The following SAMD12 variants were observed in gnomAD, a reference collection of about 807,000 sequenced individuals.
The protein encoded by SAMD12 is sterile alpha motif domain containing 12, also known as sterile alpha motif domain-containing protein 12.
In SAMD12, 9 loss-of-function variants were observed where a neutral mutation model predicts 15.0. That is an observed-to-expected ratio of 0.60 (90% CI 0.36 to 1.05). The LOEUF is 1.05. SAMD12 is among the 50% of genes least tolerant of loss of function. The pLI is 0.01. For missense variants in SAMD12, 230 were observed against 234.2 expected (o/e 0.98, Z 0.12); for synonymous variants, 86 against 90.1 (o/e 0.96, Z 0.25).
At chr8:118,415,709 A>G (rs80040191) in intron 3 of SAMD12, among the ~76,000 whole-genome samples, 2,020 of 152,212 alleles carry the variant, frequency 0.013, 18 homozygotes, top group Non-Finnish European at 0.019. Flanking sequence ...GTCTTAAGTA[A>G]CCATTCTCCT....
In SAMD12 at chr8:118,548,686, G is replaced by A. The variant is rs1826215898; in HGVS notation, c.192+32029C>T. On this transcript the variant is annotated intron_variant, in intron 2 of 3. Transcript: ENST00000314727. ...GCCAGAGAGTGGGCGCAGGTCAGTG[G>A]GTGCAGCGCACCGTGCGCGAGCCGA... 2.0e-5 allele frequency among the ~76,000 whole-genome samples: 3 copies of A among 152,306 alleles called. No homozygotes were observed. In the South Asian group the frequency reaches 6.2e-4, roughly 32 times the overall value.
chr8:118,457,090 G>T (rs951415293), intron 2 of SAMD12, among the ~76,000 whole-genome samples: 22 of 152,208 alleles, frequency 1.4e-4, no homozygotes, highest in African/African-American at 4.8e-4. Context: ...AAAACATTCT[G>T]TTCAGTCCCT....
At chr8:118,197,625 G>T in exon 5 of SAMD12, 1 of 1,081,922 alleles carries the variant, frequency 9.2e-7, no homozygotes, top group Non-Finnish European at 1.4e-6. Flanking sequence ...ATATCTTCTG[G>T]CAGTGCCATG....
chr8:118,236,877 G>T (rs575652995), intron 4 of SAMD12, among the ~76,000 whole-genome samples: 35 of 152,304 alleles, frequency 2.3e-4, no homozygotes, highest in Non-Finnish European at 5.0e-4. Flanking sequence ...GCTGCAAAAA[G>T]TTGGAAATCT....
chr8:118,137,498 C>T, the SAMD12 span, among the ~76,000 whole-genome samples: 1 of 152,152 alleles, frequency 6.6e-6, no homozygotes, highest in African/African-American at 2.4e-5. Flanking sequence ...TGAAATCGGC[C>T]TCAGTTTCCC....
intron 2 of SAMD12, among the ~76,000 whole-genome samples, chr8:118,532,648 C>A (rs924008043): frequency 8.5e-5 from 13 of 152,280 alleles, no homozygotes; most frequent in African/African-American, 2.2e-4. Context: ...GATTCAATTT[C>A]TTCCTGGTTT....
chr8:118,400,242 T>C (rs1178818625), intron 3 of SAMD12: 1 of 152,208 alleles, frequency 6.6e-6, no homozygotes, highest in Non-Finnish European at 1.5e-5. Flanking sequence ...CAGATTCTCA[T>C]AGGTAGGCAC....
chr8:118,230,238 A>G (rs1186565682), intron 4 of SAMD12, among the ~76,000 whole-genome samples: 1 of 152,180 alleles, frequency 6.6e-6, no homozygotes, highest in Non-Finnish European at 1.5e-5. Context: ...TGACATAGAT[A>G]CTATTCTTGT....
At chr8:118,358,082 C>T (rs1305618656) in intron 4 of SAMD12, among the ~76,000 whole-genome samples, 1 of 152,172 alleles carries the variant, frequency 6.6e-6, no homozygotes, top group Non-Finnish European at 1.5e-5. Flanking sequence ...GAGGTCATGG[C>T]TGCAGTGAGC....
chr8:118,551,715 T>C (rs1239162429), intron 2 of SAMD12, among the ~76,000 whole-genome samples: 39 of 145,728 alleles, frequency 2.7e-4, no homozygotes, highest in Admixed American at 6.8e-4. Flanking sequence ...AAAAAACCCT[T>C]CAAAAAATTA....
intron 4 of SAMD12, among the ~76,000 whole-genome samples, chr8:118,203,299 T>A (rs915135370): frequency 6.6e-6 from 1 of 152,194 alleles, no homozygotes; most frequent in Admixed American, 6.5e-5. Context: ...ATCTTTCCTA[T>A]GTTTAGAGCA....
At chr8:118,536,480 A>T (rs1825848474) in intron 2 of SAMD12, among the ~76,000 whole-genome samples, 1 of 151,806 alleles carries the variant, frequency 6.6e-6, no homozygotes, top group African/African-American at 2.4e-5. Context: ...ACACACACAC[A>T]CACATAAATG....
At chr8:118,542,480 A>G (rs7825490) in intron 2 of SAMD12, among the ~76,000 whole-genome samples, 54,962 of 152,024 alleles carry the variant, frequency 0.36, 10,437 homozygotes, top group Admixed American at 0.44. Flanking sequence ...TATACCTTTT[A>G]AATTCCAGTT....
chr8:118,159,162 C>G, the SAMD12 span, among the ~76,000 whole-genome samples: 1 of 152,092 alleles, frequency 6.6e-6, no homozygotes, highest in Non-Finnish European at 1.5e-5. Flanking sequence ...GGAGCCCAGA[C>G]CTAGAAACTC....
chr8:118,533,526 T>C (rs906320838), intron 2 of SAMD12, among the ~76,000 whole-genome samples: 3 of 152,230 alleles, frequency 2.0e-5, no homozygotes, highest in African/African-American at 4.8e-5. Context: ...ATCTGTCTAA[T>C]GTTGACAGTG....
At chr8:118,506,662 T>C (rs78263500) in intron 2 of SAMD12, among the ~76,000 whole-genome samples, 3,573 of 152,120 alleles carry the variant, frequency 0.023, 113 homozygotes, top group African/African-American at 0.076. Flanking sequence ...ATGACCAGCG[T>C]TGGCTGACAG....
At chr8:118,584,134 G>A (rs925891291) in intron 1 of SAMD12, among the ~76,000 whole-genome samples, 3 of 152,160 alleles carry the variant, frequency 2.0e-5, no homozygotes, top group Admixed American at 6.6e-5. Flanking sequence ...TTCCACACAC[G>A]TAGGCTTATT....
chr8:118,380,045 C>A (rs1819594635), intron 3 of SAMD12, among the ~76,000 whole-genome samples: 1 of 152,170 alleles, frequency 6.6e-6, no homozygotes, highest in South Asian at 2.1e-4. Context: ...AAACAATGCT[C>A]TTCACTGGGG....
intron 4 of SAMD12, among the ~76,000 whole-genome samples, chr8:118,340,078 C>G (rs774361513): frequency 2.0e-5 from 3 of 152,190 alleles, no homozygotes; most frequent in Non-Finnish European, 4.4e-5. Context: ...TTACTGAGAG[C>G]TGGAGGAACA....
Sources: allele counts gnomAD v4.1 joint callset (sites outside exome capture counted in the v4.1 genomes callset), GRCh38; gene constraint gnomAD v4.1.1; transcripts MANE v1.5; gene names NCBI Gene and HGNC (gene_info 2026-07-23, HGNC 2026-07-21).